ATP9A: variants seen among roughly 807,000 people sequenced by gnomAD.
The protein encoded by ATP9A is ATPase phospholipid transporting 9A, also known as probable phospholipid-transporting ATPase IIA.
Under a neutral mutation model 144.1 loss-of-function variants are expected in ATP9A, and 52 were observed. The ratio of observed to expected loss-of-function variants is 0.36; its 90% CI spans 0.29 to 0.45. ATP9A has a LOEUF of 0.45. Among genes scored for constraint, ATP9A ranks in the 20% least tolerant of loss-of-function variants. The pLI is 1.00. For synonymous variants in ATP9A, 582 were observed against 557.4 expected, an observed-to-expected ratio of 1.04 and a Z score of -0.62; for missense variants, 947 against 1,392.7, an observed-to-expected ratio of 0.68 and a Z score of 5.09.
chr20:51,762,358 T>C (rs2077884486), intron 1 of ATP9A, among the ~76,000 whole-genome samples: 1 of 152,002 alleles, frequency 6.6e-6, no homozygotes, highest in South Asian at 2.1e-4. Flanking sequence ...TAGCTGGGCG[T>C]GGTGGCATGC....
chr20:51,755,504 G>A (rs1015679784), intron 1 of ATP9A, among the ~76,000 whole-genome samples: 3 of 152,050 alleles, frequency 2.0e-5, no homozygotes, highest in African/African-American at 4.8e-5. Flanking sequence ...AAAAGGTGAC[G>A]GACAATACCA....
At chr20:51,614,735 C>G (rs1364715373) in intron 22 of ATP9A, among the ~76,000 whole-genome samples, 1 of 152,092 alleles carries the variant, frequency 6.6e-6, no homozygotes, top group Non-Finnish European at 1.5e-5. Flanking sequence ...GAATTGGAAC[C>G]GAATCAATCT....
intron 1 of ATP9A, among the ~76,000 whole-genome samples, chr20:51,741,469 C>G (rs530150723): frequency 2.6e-5 from 4 of 152,154 alleles, no homozygotes; most frequent in African/African-American, 9.6e-5. Flanking sequence ...CTCAGCTACT[C>G]AGGGGGCTGA....
intron 1 of ATP9A, among the ~76,000 whole-genome samples, chr20:51,732,204 A>G (rs1223617177): frequency 2.6e-5 from 4 of 152,128 alleles, no homozygotes; most frequent in Non-Finnish European, 5.9e-5. Flanking sequence ...GTCCTTCAGG[A>G]GAGCTTTATT....
In ATP9A at chr20:51,626,210, C is replaced by T. The variant is rs188496856; in HGVS notation, c.1846-848G>A. ...TACAGCTTAAAGAAATTAGGGAGGC[C>T]GGGTGTGGTGGTTCATGCCTGTAAT... On this transcript the variant is annotated intron_variant, in intron 17 of 27. Coordinates refer to ENST00000338821, the MANE Select transcript of ATP9A (RefSeq NM_006045.3). 1.9e-3 allele frequency among the ~76,000 whole-genome samples: 294 copies of T among 152,252 alleles called. 1 individual carries two copies. Among genetic ancestry groups the T allele is most frequent in the South Asian group, 7.7e-3 (37 of 4,818 alleles).
intron 15 of ATP9A, among the ~76,000 whole-genome samples, chr20:51,633,344 G>C (rs1182262269): frequency 6.6e-6 from 1 of 152,172 alleles, no homozygotes; most frequent in African/African-American, 2.4e-5. Context: ...ATGGAGTTCA[G>C]TGATAATTTT....
At chr20:51,638,739 T>G (rs1004041453) in intron 15 of ATP9A, among the ~76,000 whole-genome samples, 2 of 152,150 alleles carry the variant, frequency 1.3e-5, no homozygotes, top group African/African-American at 4.8e-5. Context: ...TTTGCAAGCC[T>G]GTAGTCCTAG....
chr20:51,603,487 G>A (rs1217096318), intron 27 of ATP9A, among the ~76,000 whole-genome samples: 4 of 152,146 alleles, frequency 2.6e-5, no homozygotes, highest in Non-Finnish European at 4.4e-5. Context: ...ATTAAAGCCC[G>A]TGTCAGCACC....
chr20:51,744,095 A>C lies in ATP9A; in HGVS notation c.69-14117T>G, dbSNP rs1247876519. ...GATAACAGCCATTCAACTAGGTTAA[A>C]GTGTAAGTTTATAAATAACTTCGTT... On this transcript the variant is annotated intron_variant, in intron 1 of 27. Coordinates refer to ENST00000338821, the MANE Select transcript of ATP9A (RefSeq NM_006045.3). 2.6e-5 allele frequency among the ~76,000 whole-genome samples: 4 copies of C among 152,214 alleles called. No individual in the cohort carries two copies. In the East Asian group the frequency reaches 5.8e-4, roughly 22 times the overall value.
intron 15 of ATP9A, among the ~76,000 whole-genome samples, chr20:51,632,465 T>A (rs1601069256): frequency 6.6e-6 from 1 of 152,158 alleles, no homozygotes; most frequent in African/African-American, 2.4e-5. Context: ...TATGAACACA[T>A]CATAACAGGG....
chr20:51,734,413 T>C (rs2077754703), intron 1 of ATP9A: 1 of 152,174 alleles, frequency 6.6e-6, no homozygotes, highest in Non-Finnish European at 1.5e-5. Context: ...ACACCGTTCA[T>C]CAAAGGAAGA....
intron 14 of ATP9A, among the ~76,000 whole-genome samples, chr20:51,647,662 G>A (rs1243390393): frequency 1.3e-5 from 2 of 152,154 alleles, no homozygotes; most frequent in African/African-American, 2.4e-5. Flanking sequence ...CCCAGGAGGC[G>A]GAGGTTGCAG....
chr20:51,745,497 C>CG (rs748618104), intron 1 of ATP9A, among the ~76,000 whole-genome samples: 183 of 151,878 alleles, frequency 1.2e-3, no homozygotes, highest in Middle Eastern at 3.4e-3. Context: ...AATAGCAGGG[C>CG]GGGGGGATTT....
intron 1 of ATP9A, among the ~76,000 whole-genome samples, chr20:51,731,404 C>T (rs1396191787): frequency 1.3e-5 from 2 of 151,852 alleles, no homozygotes; most frequent in African/African-American, 2.4e-5. Flanking sequence ...ACTATTATTA[C>T]ATCTATGCTT....
At chr20:51,714,186 T>A (rs116825665) in intron 3 of ATP9A, among the ~76,000 whole-genome samples, 2,320 of 151,738 alleles carry the variant, frequency 0.015, 54 homozygotes, top group African/African-American at 0.051. Flanking sequence ...ATTACAGGGC[T>A]TTTTTGTTTG....
At chr20:51,726,610 G>A (rs1415330607) in intron 2 of ATP9A, among the ~76,000 whole-genome samples, 2 of 151,982 alleles carry the variant, frequency 1.3e-5, no homozygotes, top group Admixed American at 6.6e-5. Context: ...ACCAGGTCTC[G>A]CTCTGTCACC....
At chr20:51,670,166 A>T in intron 12 of ATP9A, 57 bp from the exon 13 acceptor site, 1 of 1,337,992 alleles carries the variant, frequency 7.5e-7, no homozygotes, top group Non-Finnish European at 1.1e-6. Flanking sequence ...TGTTATTATT[A>T]ACAGTAATGA....
At position 51,674,319 on chromosome 20, in the gene ATP9A, G is replaced by T. The variant is rs750345600; in HGVS notation, c.877-6C>A. ...TCCAAGTCGAACAGGCCGATCTGTG[G>T]GACGAAGCACAAACCAGGGCTTGAG... On this transcript the variant is annotated splice_region_variant and splice_polypyrimidine_tract_variant and intron_variant, in intron 10 of 27. Transcript: ENST00000338821. 1.9e-6 allele frequency: 3 copies of T among 1,612,396 alleles called. No individual in the cohort carries two copies. The highest frequency in any genetic ancestry group is 2.5e-6 in the Non-Finnish European group (3 of 1,179,772).
intron 3 of ATP9A, among the ~76,000 whole-genome samples, chr20:51,723,708 C>T (rs925909334): frequency 6.6e-6 from 1 of 151,586 alleles, no homozygotes; most frequent in Non-Finnish European, 1.5e-5. Context: ...AGGTGCATGC[C>T]ACCAAGCCCA....
Sources: allele counts gnomAD v4.1 joint callset (sites outside exome capture counted in the v4.1 genomes callset), GRCh38; gene constraint gnomAD v4.1.1; transcripts MANE v1.5; gene names NCBI Gene and HGNC (gene_info 2026-07-23, HGNC 2026-07-21).